The following FBXW11 variants were observed in gnomAD, a reference collection of about 807,000 sequenced individuals.
The protein encoded by FBXW11 is F-box and WD repeat domain containing 11, also known as F-box/WD repeat-containing protein 11.
Under a neutral mutation model 77.6 loss-of-function variants are expected in FBXW11, and 19 were observed. The ratio of observed to expected loss-of-function variants is 0.24; its 90% CI spans 0.17 to 0.36. The LOEUF is 0.36. FBXW11 is among the 10% of genes least tolerant of loss of function. FBXW11 has a pLI of 1.00. For missense variants in FBXW11, 334 were observed against 704.2 expected, an observed-to-expected ratio of 0.47 and a Z score of 5.95; for synonymous variants, 235 against 249.4, an observed-to-expected ratio of 0.94 and a Z score of 0.54.
At chr5:171,923,729 ATTTTT>A (rs55905868) in intron 2 of FBXW11, among the ~76,000 whole-genome samples, 1 of 149,766 alleles carries the variant, frequency 6.7e-6, no homozygotes, top group Non-Finnish European at 1.5e-5. Flanking sequence ...TCTAAGATGT[ATTTTT>A]TTTTTTCACA....
intron 4 of FBXW11, among the ~76,000 whole-genome samples, chr5:171,903,711 T>G (rs1161470836): frequency 6.6e-6 from 1 of 152,136 alleles, no homozygotes; most frequent in Admixed American, 6.5e-5. Flanking sequence ...AGTGACATGA[T>G]CATGGCTCAC....
At chr5:171,989,304 T>C (rs1247286586) in intron 1 of FBXW11, among the ~76,000 whole-genome samples, 7 of 152,262 alleles carry the variant, frequency 4.6e-5, no homozygotes, top group Admixed American at 3.9e-4. Flanking sequence ...GCCAAAATAG[T>C]GTCCCATAGA....
chr5:171,865,236 C>A (rs1363102015), intron 13 of FBXW11, among the ~76,000 whole-genome samples: 3 of 148,654 alleles, frequency 2.0e-5, no homozygotes, highest in Admixed American at 6.7e-5. Context: ...TTCTGGAGGG[C>A]AAAATGACCT....
intron 2 of FBXW11, among the ~76,000 whole-genome samples, chr5:171,940,192 G>C (rs1006348725): frequency 6.6e-6 from 1 of 152,148 alleles, no homozygotes; most frequent in African/African-American, 2.4e-5. Context: ...TGGAAAACCG[G>C]AGTCAGGTTT....
In FBXW11 at chr5:171,889,677, G is replaced by A. The variant is rs537432233; in HGVS notation, c.852+1790C>T. Among the ~76,000 whole-genome samples the A allele has an allele frequency of 4.6e-5, 7 of 151,560 alleles. No homozygotes were observed. In the South Asian group the frequency reaches 1.2e-3, roughly 27 times the overall value. On this transcript the variant is annotated intron_variant, in intron 7 of 13. Coordinates refer to ENST00000517395, the MANE Select transcript of FBXW11 (RefSeq NM_001378974.1). ...CGGGGCAGGTGGATCACCTAAAGTC[G>A]GGAGTTTGAGACCAGCCTGACCAAC...
intron 1 of FBXW11, among the ~76,000 whole-genome samples, chr5:172,000,032 G>A (rs1034762864): frequency 1.3e-5 from 2 of 152,174 alleles, no homozygotes; most frequent in African/African-American, 4.8e-5. Flanking sequence ...GGTCTTCCTG[G>A]TCTGTCTCTC....
intron 2 of FBXW11, among the ~76,000 whole-genome samples, chr5:171,954,670 T>C (rs188567714): frequency 6.6e-6 from 1 of 152,302 alleles, no homozygotes; most frequent in Admixed American, 6.5e-5. Flanking sequence ...TAAATATTTA[T>C]GGAATTAAGT....
At chr5:171,918,876 G>C (rs182015543) in intron 2 of FBXW11, among the ~76,000 whole-genome samples, 3 of 152,132 alleles carry the variant, frequency 2.0e-5, no homozygotes, top group Non-Finnish European at 2.9e-5. Flanking sequence ...AAATGTCCCA[G>C]GGAAGGGGGC....
chr5:171,985,245 A>C (rs1240801136), intron 1 of FBXW11, among the ~76,000 whole-genome samples: 1 of 152,180 alleles, frequency 6.6e-6, no homozygotes, highest in Non-Finnish European at 1.5e-5. Flanking sequence ...GATCTTTGTA[A>C]ACCACAGATC....
chr5:171,895,607 G>A (rs1374823944), intron 6 of FBXW11, among the ~76,000 whole-genome samples: 1 of 152,162 alleles, frequency 6.6e-6, no homozygotes, highest in Non-Finnish European at 1.5e-5. Flanking sequence ...TACTCAAATG[G>A]CAAAAGAGAA....
chr5:171,995,541 CA>C (rs1371235897), intron 1 of FBXW11, among the ~76,000 whole-genome samples: 1 of 152,058 alleles, frequency 6.6e-6, no homozygotes, highest in Non-Finnish European at 1.5e-5. Flanking sequence ...ATCACAAGGT[CA>C]GGAGATCGAG....
chr5:171,901,020 G>A (rs576623280), intron 4 of FBXW11, among the ~76,000 whole-genome samples: 8 of 152,148 alleles, frequency 5.3e-5, no homozygotes, highest in South Asian at 2.1e-4. Context: ...GTGTAGGGAC[G>A]AGAACACAGA....
chr5:171,921,579 T>C (rs544320308), intron 2 of FBXW11, among the ~76,000 whole-genome samples: 1 of 152,036 alleles, frequency 6.6e-6, no homozygotes, highest in East Asian at 1.9e-4. Flanking sequence ...ATTGAGAAGA[T>C]CCCCTACACA....
At chr5:171,871,902 A>C (rs1040678174) in intron 10 of FBXW11, among the ~76,000 whole-genome samples, 1 of 152,240 alleles carries the variant, frequency 6.6e-6, no homozygotes. Flanking sequence ...ACACATTACT[A>C]TCTTGTAAAA....
intron 2 of FBXW11, among the ~76,000 whole-genome samples, chr5:171,941,011 T>C (rs1174039422): frequency 2.0e-5 from 3 of 151,720 alleles, no homozygotes; most frequent in Non-Finnish European, 4.4e-5. Context: ...AATAGGAAAA[T>C]ATAGGTGTAT....
chr5:171,991,997 C>G (rs1426190960), intron 1 of FBXW11, among the ~76,000 whole-genome samples: 1 of 152,054 alleles, frequency 6.6e-6, no homozygotes, highest in Non-Finnish European at 1.5e-5. Context: ...CGCCTGTAGT[C>G]CCAGCTACTC....
Position 171,987,618 on chromosome 5 carries a change from C to CT in FBXW11, c.45+18839dup, listed in dbSNP as rs1202208874. Among the ~76,000 whole-genome samples the CT allele has an allele frequency of 3.3e-5, 5 of 152,030 alleles. No individual in the cohort carries two copies. The East Asian group carries it at 7.7e-4, about 24-fold the overall frequency. On this transcript the variant is annotated intron_variant, in intron 1 of 13. Transcript: ENST00000517395. ...AGGCACCCACTACCATGCCCAGCTA[C>CT]TTTTTTTGTATTTTTAGTGAGACGG...
intron 6 of FBXW11, among the ~76,000 whole-genome samples, chr5:171,895,802 T>A (rs1175793958): frequency 6.7e-6 from 1 of 148,374 alleles, no homozygotes; most frequent in African/African-American, 2.6e-5. Context: ...CAGCCCACCA[T>A]TAATGGTAAC....
At chr5:171,917,951 C>T (rs969200117) in intron 2 of FBXW11, among the ~76,000 whole-genome samples, 1 of 152,002 alleles carries the variant, frequency 6.6e-6, no homozygotes, top group African/African-American at 2.4e-5. Flanking sequence ...GTTTGTTGGA[C>T]ATGGACAGCC....
Sources: gnomAD v4.1 joint callset for allele counts (sites outside exome capture counted in the v4.1 genomes callset) on GRCh38, gnomAD v4.1.1 for gene constraint, MANE v1.5 for transcripts, NCBI Gene and HGNC (gene_info 2026-07-23, HGNC 2026-07-21) for gene names.